The following MAPK10 variants were observed in gnomAD, a reference collection of about 807,000 sequenced individuals.
The protein encoded by MAPK10 is mitogen-activated protein kinase 10.
In MAPK10, 25 loss-of-function variants were observed where a neutral mutation model predicts 59.3. The observed-to-expected ratio is 0.42, with a 90% CI of 0.31 to 0.59. The LOEUF is 0.59. Ranked by LOEUF, MAPK10 falls within the 20% of genes least tolerant of loss-of-function variation. The probability of loss-of-function intolerance (pLI) is 0.15; values close to 1 mark genes in which losing one functional copy is unlikely to be tolerated. For missense variants in MAPK10, 351 were observed against 568.9 expected, an observed-to-expected ratio of 0.62 and a Z score of 3.90; for synonymous variants, 190 against 200.5, an observed-to-expected ratio of 0.95 and a Z score of 0.44.
chr4:86,408,308 C>T (rs1375793830), intron 1 of MAPK10, among the ~76,000 whole-genome samples: 1 of 152,100 alleles, frequency 6.6e-6, no homozygotes. Flanking sequence ...CACTGATGGA[C>T]ATTTGGGTTG....
At chr4:86,118,826 T>C (rs2058727498) in intron 4 of MAPK10, among the ~76,000 whole-genome samples, 1 of 152,214 alleles carries the variant, frequency 6.6e-6, no homozygotes, top group Admixed American at 6.5e-5. Flanking sequence ...CTGGAGCATC[T>C]TAAACATCTT....
In MAPK10 at chr4:86,530,730, C is replaced by G. The variant is rs114795987; in HGVS notation, c.-263+63180G>C. ...GAAGGCTCTGCCCTTATGAACTAAT[C>G]ATCTCTTAAAGGCCCAACCTCCCAA... is the stretch of plus-strand genomic sequence containing the variant. On this transcript the variant is annotated intron_variant, in intron 1 of 4. Coordinates refer to the MAPK10 transcript ENST00000502302. 9.9e-3 allele frequency among the ~76,000 whole-genome samples: 1,501 copies of G among 152,246 alleles called. 13 individuals are homozygous for G. The highest frequency in any genetic ancestry group is 0.017 in the Non-Finnish European group (1,155 of 68,004).
intron 1 of MAPK10, among the ~76,000 whole-genome samples, chr4:86,501,808 C>A (rs1168774801): frequency 6.6e-6 from 1 of 151,916 alleles, no homozygotes; most frequent in Non-Finnish European, 1.5e-5. Context: ...ATCCTTCACT[C>A]AAAAAATGCA....
intron 2 of MAPK10, among the ~76,000 whole-genome samples, chr4:86,346,471 C>A (rs28520822): frequency 0.53 from 80,171 of 151,896 alleles, 22,827 homozygotes; most frequent in South Asian, 0.7. Flanking sequence ...CAGACATAAC[C>A]ATCATAGGCC....
intron 2 of MAPK10, among the ~76,000 whole-genome samples, chr4:86,343,419 A>G (rs992272769): frequency 1.3e-5 from 2 of 152,180 alleles, no homozygotes; most frequent in Non-Finnish European, 2.9e-5. Flanking sequence ...TGCTTTTGTG[A>G]GGCTTATAGT....
intron 9 of MAPK10, among the ~76,000 whole-genome samples, chr4:86,073,555 A>T: frequency 9.9e-6 from 1 of 101,058 alleles, no homozygotes; most frequent in African/African-American, 3.7e-5. Flanking sequence ...CCCTCTACAC[A>T]CTGCTTTGAA....
At chr4:86,345,626 T>C (rs894317749) in intron 2 of MAPK10, among the ~76,000 whole-genome samples, 1 of 152,194 alleles carries the variant, frequency 6.6e-6, no homozygotes, top group African/African-American at 2.4e-5. Context: ...GATAAAAATC[T>C]AGCTTCAAGG....
intron 3 of MAPK10, among the ~76,000 whole-genome samples, chr4:86,187,454 C>T (rs775397616): frequency 2.0e-5 from 3 of 151,962 alleles, no homozygotes; most frequent in Admixed American, 6.6e-5. Context: ...CTCAGAACAG[C>T]GTGCAATCTA....
intron 1 of MAPK10, among the ~76,000 whole-genome samples, chr4:86,570,349 A>G (rs1761362623): frequency 6.6e-6 from 1 of 152,196 alleles, no homozygotes; most frequent in Non-Finnish European, 1.5e-5. Flanking sequence ...TTACAGATAA[A>G]TCTGATGACA....
In MAPK10 at chr4:86,507,615, GATATATATATATATATATATATATATAT is replaced by G. The variant is rs767683551; in HGVS notation, c.-263+86267_-263+86294del. Among the ~76,000 whole-genome samples, 288 of 35,650 alleles carry G rather than the reference GATATATATATATATATATATATATATAT, an allele frequency of 8.1e-3. 4 individuals are homozygous for G. Among genetic ancestry groups the G allele is most frequent in the Middle Eastern group, 0.057 (4 of 70 alleles). The allele number at this position is 35,650 out of a possible 152,430, so 23.4% of individuals were successfully genotyped here. A position where few individuals can be genotyped will look rare whatever the true frequency, so the allele number is the denominator to read the frequency against. On this transcript the variant is annotated intron_variant, in intron 1 of 4. Transcript: ENST00000502302. ...TTACTATTAAAAAGAATAAACTGGA[GATATATATATATATATATATATATATAT>G]ATATATATATATATATATATATATA...
chr4:86,559,979 T>C (rs1760552968), intron 1 of MAPK10, among the ~76,000 whole-genome samples: 1 of 151,766 alleles, frequency 6.6e-6, no homozygotes, highest in African/African-American at 2.4e-5. Flanking sequence ...TCACCTTCCT[T>C]ATAAAACCAG....
chr4:86,170,269 T>C (rs192685573), intron 3 of MAPK10, among the ~76,000 whole-genome samples: 71 of 152,038 alleles, frequency 4.7e-4, no homozygotes, highest in African/African-American at 1.5e-3. Flanking sequence ...GACTGGCAAA[T>C]TGGATAAACA....
chr4:86,318,185 G>C (rs2095826110), intron 2 of MAPK10, among the ~76,000 whole-genome samples: 1 of 152,104 alleles, frequency 6.6e-6, no homozygotes, highest in Non-Finnish European at 1.5e-5. Context: ...TAGGTTTCTG[G>C]TGGACATAAA....
intron 1 of MAPK10, among the ~76,000 whole-genome samples, chr4:86,473,686 A>G (rs953789330): frequency 6.6e-6 from 1 of 152,216 alleles, no homozygotes; most frequent in Non-Finnish European, 1.5e-5. Flanking sequence ...CAACCCAGAC[A>G]ACACTTTGGC....
intron 1 of MAPK10, among the ~76,000 whole-genome samples, chr4:86,387,181 G>C (rs1373571600): frequency 6.6e-6 from 1 of 152,156 alleles, no homozygotes; most frequent in African/African-American, 2.4e-5. Context: ...GGGGCACAGG[G>C]AGCTGGTCAC....
chr4:86,359,738 A>G lies in MAPK10; in HGVS notation c.-202T>C, dbSNP rs1212065640. On this transcript the variant is annotated 5_prime_UTR_variant, in exon 1 of 14. The change abolishes an upstream ATG in the 5' untranslated region. Transcript: ENST00000641462. Reference sequence around the variant, plus strand: ...TCCCTACTTGTTTTTCATTAACCACATTCCAGACTAACATGGAAGAGATTC... The same window carrying G: ...TCCCTACTTGTTTTTCATTAACCACGTTCCAGACTAACATGGAAGAGATTC... 5 of 985,778 alleles carry G rather than the reference A, an allele frequency of 5.1e-6. No homozygotes were observed. In the South Asian group the frequency reaches 2.4e-4, roughly 46 times the overall value. 61.1% of individuals were successfully genotyped at this position (985,778 alleles called of 1,614,324 possible). A position where few individuals can be genotyped will look rare whatever the true frequency, so the allele number is the denominator to read the frequency against.
At chr4:86,261,683 A>G (rs1251447328) in intron 2 of MAPK10, among the ~76,000 whole-genome samples, 2 of 152,242 alleles carry the variant, frequency 1.3e-5, no homozygotes, top group Non-Finnish European at 2.9e-5. Flanking sequence ...TAGGGATACT[A>G]TAGCTTTAGA....
At chr4:86,168,182 T>C (rs2072545164) in intron 3 of MAPK10, among the ~76,000 whole-genome samples, 1 of 152,160 alleles carries the variant, frequency 6.6e-6, no homozygotes, top group Non-Finnish European at 1.5e-5. Flanking sequence ...ACCGGGTTCA[T>C]CTCACTAGGG....
At chr4:86,218,202 ATTAT>A (rs1018134174) in intron 2 of MAPK10, among the ~76,000 whole-genome samples, 5 of 152,070 alleles carry the variant, frequency 3.3e-5, no homozygotes, top group African/African-American at 9.7e-5. Flanking sequence ...ATATAGGCTT[ATTAT>A]TTATTTATTT....
Sources: gnomAD v4.1 joint callset for allele counts (sites outside exome capture counted in the v4.1 genomes callset) on GRCh38, gnomAD v4.1.1 for gene constraint, MANE v1.5 for transcripts, NCBI Gene and HGNC (gene_info 2026-07-23, HGNC 2026-07-21) for gene names.